Variants in POLR2H observed in about 807,000 individuals in gnomAD.
The protein encoded by POLR2H is RNA polymerase II, I and III subunit H.
Under a neutral mutation model 18.1 loss-of-function variants are expected in POLR2H, and 3 were observed. The observed-to-expected ratio is 0.17, with a 90% confidence interval of 0.08 to 0.43. POLR2H has a LOEUF of 0.43. POLR2H is among the 20% of genes least tolerant of loss of function. The pLI, the probability that POLR2H is intolerant of heterozygous loss-of-function variation, is 0.99. For missense variants in POLR2H, 103 were observed against 184.6 expected (o/e 0.56, Z 2.56); for synonymous variants, 76 against 69.0 (o/e 1.10, Z -0.50).
At chr3:184,365,993 G>GA (rs1272127922) in intron 4 of POLR2H, among the ~76,000 whole-genome samples, 1 of 145,920 alleles carries the variant, frequency 6.9e-6, no homozygotes, top group Non-Finnish European at 1.5e-5. Context: ...AAAAAAAAAA[G>GA]AAAAAAATTC....
In POLR2H at chr3:184,361,713, C is replaced by G. The variant is rs1025900900; in HGVS notation, c.-1054C>G. 5 of 206,144 alleles carry G rather than the reference C, an allele frequency of 2.4e-5. No homozygotes were observed. Among genetic ancestry groups the G allele is most frequent in the Non-Finnish European group, 4.8e-5 (5 of 105,060 alleles). 12.8% of individuals were successfully genotyped at this position (206,144 alleles called of 1,614,324 possible). A position where few individuals can be genotyped will look rare whatever the true frequency, so the allele number is the denominator to read the frequency against. Reference sequence around the variant, plus strand: ...GCGCTGCTCCGCCCGCCGGCCCATCCGGAGGGGACGGCCCAGCCAGGCTGG... The same window carrying G: ...GCGCTGCTCCGCCCGCCGGCCCATCGGGAGGGGACGGCCCAGCCAGGCTGG... On this transcript the variant is annotated 5_prime_UTR_variant, in exon 1 of 6. Coordinates refer to ENST00000456318, the MANE Select transcript of POLR2H (RefSeq NM_006232.5). The surrounding 1 kb of genome is among the most constrained non-coding windows in gnomAD (Gnocchi z 6.6).
chr3:184,365,987 A>T (rs958722881), intron 4 of POLR2H, among the ~76,000 whole-genome samples: 1 of 151,876 alleles, frequency 6.6e-6, no homozygotes, highest in African/African-American at 2.4e-5. Flanking sequence ...AAAAAAAAAA[A>T]AAAAAGAAAA....
At chr3:184,367,908 A>C (rs553642321) in intron 5 of POLR2H, among the ~76,000 whole-genome samples, 2 of 152,338 alleles carry the variant, frequency 1.3e-5, no homozygotes, top group South Asian at 2.1e-4. Context: ...CACCCTCGAT[A>C]ATATAAAGAA....
Position 184,368,429 on chromosome 3 carries a change from C to T in POLR2H, c.*135C>T. 1.6e-6 allele frequency: 1 copy of T among 628,700 alleles called. No individual in the cohort carries two copies. Among genetic ancestry groups the T allele is most frequent in the Non-Finnish European group, 2.7e-6 (1 of 375,332 alleles). The allele number at this position is 628,700 out of a possible 1,614,324, so 38.9% of individuals were successfully genotyped here. A position where few individuals can be genotyped will look rare whatever the true frequency, so the allele number is the denominator to read the frequency against. On this transcript the variant is annotated 3_prime_UTR_variant, in exon 6 of 6. Transcript: ENST00000456318. ...CCACCGTGGCGGCATCTTTAACTGG[C>T]CTCCACTCAATGGGAAACTGACTCG...
chr3:184,363,382 T>C lies in POLR2H; in HGVS notation c.-111T>C, dbSNP rs1211506203. On this transcript the variant is annotated 5_prime_UTR_variant, in exon 2 of 6. Transcript: ENST00000456318. Reference sequence around the variant, plus strand: ...CGCCACTCTCGTCTGGCCGCCGCGCTTTCAGGAGGTGCTTTTGGTTCTCTC... The same window carrying C: ...CGCCACTCTCGTCTGGCCGCCGCGCCTTCAGGAGGTGCTTTTGGTTCTCTC... The C allele has an allele frequency of 7.8e-6, 7 of 898,176 alleles. No homozygotes were observed. Among genetic ancestry groups the C allele is most frequent in the South Asian group, 1.4e-5 (1 of 71,908 alleles). 55.6% of individuals were successfully genotyped at this position (898,176 alleles called of 1,614,324 possible).
chr3:184,368,375 C>G lies in POLR2H; in HGVS notation c.*81C>G. ...AGCCTGAGTGGCAGCCGCTCTTGCT[C>G]ACCTGTTGAGGAAGGGCTGGCTCAC... On this transcript the variant is annotated 3_prime_UTR_variant, in exon 6 of 6. Coordinates refer to ENST00000456318, the MANE Select transcript of POLR2H (RefSeq NM_006232.5). The G allele has an allele frequency of 8.2e-7, 1 of 1,224,350 alleles. No homozygotes were observed. Among genetic ancestry groups the G allele is most frequent in the Non-Finnish European group, 1.1e-6 (1 of 879,360 alleles). The allele number at this position is 1,224,350 out of a possible 1,614,324, so 75.8% of individuals were successfully genotyped here. A position where few individuals can be genotyped will look rare whatever the true frequency, so the allele number is the denominator to read the frequency against.
At chr3:184,365,780 T>G (rs1045988349) in intron 4 of POLR2H, among the ~76,000 whole-genome samples, 6 of 151,662 alleles carry the variant, frequency 4.0e-5, no homozygotes, top group African/African-American at 1.5e-4. Flanking sequence ...GAGACCATCC[T>G]GGCTAAAACG....
At chr3:184,365,112 T>C (rs776713138) in intron 3 of POLR2H, 21 bp from the exon 4 acceptor site, 2 of 1,593,176 alleles carry the variant, frequency 1.3e-6, no homozygotes, top group South Asian at 1.1e-5. Flanking sequence ...CTTTACTCTC[T>C]GATATTGCTG....
At chr3:184,367,653 A>AT (rs899325345) in intron 5 of POLR2H, among the ~76,000 whole-genome samples, 8 of 147,540 alleles carry the variant, frequency 5.4e-5, no homozygotes, top group South Asian at 2.2e-4. Flanking sequence ...TGCCTGGCTA[A>AT]TTTTTTTTTT....
chr3:184,364,988 T>A lies in POLR2H; in HGVS notation c.96T>A (p.Ser32Arg). 1 of 1,611,918 alleles carries A rather than the reference T, an allele frequency of 6.2e-7. No individual in the cohort carries two copies. The highest frequency in any genetic ancestry group is 2.2e-5 in the East Asian group (1 of 44,866). ...CAGTGTCTCGACTGCATTGTGAGAG[T>A]GAATCTTTCAAGATGGATCTAATCT... ...FDRVSRLHCE[S>R]ESFKMDLILD... The change falls in exon 3 of 6, where the codon AGT becomes AGA. Residue 32 changes from serine to arginine, a missense_variant. Physicochemically the swap from Ser to Arg is moderately radical, Grantham distance 110 (BLOSUM62 -1). Transcript: ENST00000456318.
At chr3:184,366,932 T>C in intron 5 of POLR2H, 132 bp downstream of exon 5, 1 of 645,238 alleles carries the variant, frequency 1.5e-6, no homozygotes, top group South Asian at 1.7e-5. Flanking sequence ...AAAGAAATAG[T>C]TCTGGGAGCA....
At chr3:184,366,542 G>T (rs910030263) in intron 4 of POLR2H, 175 bp from the exon 5 acceptor site, 4 of 454,092 alleles carry the variant, frequency 8.8e-6, no homozygotes, top group Admixed American at 3.6e-5. Context: ...GTTTCACTGT[G>T]TTAGCCAGGA....
At chr3:184,367,368 C>T (rs1434797264) in intron 5 of POLR2H, among the ~76,000 whole-genome samples, 1 of 152,018 alleles carries the variant, frequency 6.6e-6, no homozygotes, top group African/African-American at 2.4e-5. Flanking sequence ...TTTGCATATC[C>T]TGGTGTTCTG....
Position 184,366,797 on chromosome 3 carries a change from G to A in POLR2H, c.332G>A (p.Arg111His), listed in dbSNP as rs376240144. The A allele has an allele frequency of 1.3e-6, 2 of 1,546,306 alleles. No individual in the cohort carries two copies. The highest frequency in any genetic ancestry group is 1.8e-6 in the Non-Finnish European group (2 of 1,118,422). Residue 111 changes from arginine to histidine, a missense_variant, in exon 5 of 6, where the codon CGC becomes CAC. Physicochemically the swap from Arg to His is conservative, Grantham distance 29 (BLOSUM62 0). Coordinates refer to ENST00000456318, the MANE Select transcript of POLR2H (RefSeq NM_006232.5). Reference sequence around the variant, plus strand: ...GAAACTTCTACTGAAGCAGCAACACGCCTGTAAGTTACGTAATCTTGTGAG... The same window carrying A: ...GAAACTTCTACTGAAGCAGCAACACACCTGTAAGTTACGTAATCTTGTGAG... ...GDETSTEAAT[R>H]LSAYVSYGGL...
In POLR2H at chr3:184,365,206, C is replaced by G. The variant is rs200954315; in HGVS notation, c.231C>G (p.Pro77=). The change falls in exon 4 of 6, where the codon CCC becomes CCG. Residue 77 remains proline, a synonymous_variant. Coordinates refer to ENST00000456318, the MANE Select transcript of POLR2H (RefSeq NM_006232.5). ...CCCTGGATGATGGTGAATACAACCCCACTGATGATAGGCCTTCCAGGTGAG... is the reference window on the plus strand; with the variant it reads ...CCCTGGATGATGGTGAATACAACCCGACTGATGATAGGCCTTCCAGGTGAG... The part of the protein sequence containing the change: ...DGTLDDGEYN[P]TDDRPSRADQ... 119 of 1,610,354 alleles carry G rather than the reference C, an allele frequency of 7.4e-5. 2 individuals carry two copies. The Middle Eastern group carries it at 9.9e-4, about 13-fold the overall frequency.
chr3:184,365,942 C>T (rs2108602753), intron 4 of POLR2H, among the ~76,000 whole-genome samples: 1 of 147,530 alleles, frequency 6.8e-6, no homozygotes, highest in African/African-American at 2.5e-5. Context: ...CGCCACTGCA[C>T]TCCAGCCTGG....
chr3:184,365,832 C>T (rs1245538460), intron 4 of POLR2H, among the ~76,000 whole-genome samples: 3 of 150,816 alleles, frequency 2.0e-5, no homozygotes, highest in South Asian at 2.1e-4. Flanking sequence ...AAAAATTAGC[C>T]GGGCGTAGTG....
intron 2 of POLR2H, 65 bp from the exon 3 acceptor site, chr3:184,364,901 A>T: frequency 1.5e-5 from 16 of 1,065,104 alleles, no homozygotes; most frequent in Non-Finnish European, 2.3e-5. Context: ...CCTGTTGCAT[A>T]CAATCCCACA....
chr3:184,363,879 C>T (rs1191162591), intron 2 of POLR2H, among the ~76,000 whole-genome samples: 1 of 152,156 alleles, frequency 6.6e-6, no homozygotes, highest in Non-Finnish European at 1.5e-5. Flanking sequence ...GGTGAAACCC[C>T]GTCTCTACCA....
Sources: allele counts gnomAD v4.1 joint callset (sites outside exome capture counted in the v4.1 genomes callset), GRCh38; gene constraint gnomAD v4.1.1; non-coding constraint Gnocchi (gnomAD v3.1); transcripts MANE v1.5; gene names NCBI Gene and HGNC (gene_info 2026-07-23, HGNC 2026-07-21).